MEMO1: variants seen among roughly 807,000 people sequenced by gnomAD.
MEMO1 encodes protein MEMO1.
In MEMO1, 6 loss-of-function variants were observed where a neutral mutation model predicts 45.2. The observed-to-expected ratio is 0.13, with a 90% confidence interval of 0.07 to 0.26. The LOEUF (loss-of-function observed/expected upper bound fraction) is 0.26. Ranked by LOEUF, MEMO1 falls within the 10% of genes least tolerant of loss-of-function variation. MEMO1 has a pLI of 1.00. For synonymous variants in MEMO1, 78 were observed against 124.3 expected (o/e 0.63, Z 2.48); for missense variants, 184 against 370.5 (o/e 0.50, Z 4.13).
intron 2 of MEMO1, among the ~76,000 whole-genome samples, chr2:31,988,465 T>C (rs970358890): frequency 4.6e-5 from 7 of 152,132 alleles, no homozygotes; most frequent in African/African-American, 1.4e-4. Flanking sequence ...GAGAATCCCT[T>C]GAACCCAGGA....
At chr2:31,993,105 T>G (rs1353757974) in intron 2 of MEMO1, among the ~76,000 whole-genome samples, 1 of 151,916 alleles carries the variant, frequency 6.6e-6, no homozygotes, top group Non-Finnish European at 1.5e-5. Context: ...CCAAGGAATT[T>G]GAGACTGCAG....
chr2:31,978,289 T>C (rs754575167), intron 2 of MEMO1, among the ~76,000 whole-genome samples: 75 of 151,960 alleles, frequency 4.9e-4, no homozygotes, highest in Admixed American at 2.0e-3. Flanking sequence ...CAGAAGGCTA[T>C]GGCAGGAGAA....
intron 2 of MEMO1, among the ~76,000 whole-genome samples, chr2:31,962,837 T>C (rs1193202177): frequency 1.3e-5 from 2 of 152,180 alleles, no homozygotes; most frequent in Non-Finnish European, 2.9e-5. Context: ...TGGTCAAGCA[T>C]TTTTCTGGAT....
intron 3 of MEMO1, among the ~76,000 whole-genome samples, chr2:31,936,149 A>G (rs966184694): frequency 6.6e-6 from 1 of 151,974 alleles, no homozygotes; most frequent in African/African-American, 2.4e-5. Flanking sequence ...TTTTTAGTAG[A>G]GACGGGGTTT....
intron 6 of MEMO1, among the ~76,000 whole-genome samples, chr2:31,911,116 C>G (rs1461736702): frequency 1.3e-5 from 2 of 151,828 alleles, no homozygotes; most frequent in Non-Finnish European, 2.9e-5. Flanking sequence ...AATATAGCAA[C>G]AATCCTTCAG....
chr2:31,938,197 T>C (rs1193044138), intron 3 of MEMO1, among the ~76,000 whole-genome samples: 1 of 152,202 alleles, frequency 6.6e-6, no homozygotes, highest in Admixed American at 6.5e-5. Flanking sequence ...TGGTATTTAT[T>C]CTATTTAATC....
chr2:32,004,945 A>G (rs1199507060), intron 2 of MEMO1, among the ~76,000 whole-genome samples: 1 of 151,304 alleles, frequency 6.6e-6, no homozygotes, highest in Non-Finnish European at 1.5e-5. Context: ...AAAAAAACTT[A>G]CCATTTGCAT....
At chr2:31,899,229 C>T (rs1195560601) in intron 6 of MEMO1, among the ~76,000 whole-genome samples, 3 of 152,138 alleles carry the variant, frequency 2.0e-5, no homozygotes, top group Non-Finnish European at 2.9e-5. Flanking sequence ...ATAGCCAAGA[C>T]AATCCTAAGT....
chr2:31,918,379 G>A (rs553092490), intron 5 of MEMO1, among the ~76,000 whole-genome samples: 7 of 151,916 alleles, frequency 4.6e-5, no homozygotes, highest in African/African-American at 1.2e-4. Flanking sequence ...AATCACCTTC[G>A]GGTCTAGGCT....
intron 2 of MEMO1, among the ~76,000 whole-genome samples, chr2:31,974,261 A>G (rs1669743178): frequency 6.6e-6 from 1 of 152,214 alleles, no homozygotes; most frequent in African/African-American, 2.4e-5. Context: ...TGCAGTTAAT[A>G]ATTTAAATGT....
chr2:32,005,126 A>G (rs1038023341), intron 2 of MEMO1, among the ~76,000 whole-genome samples: 2 of 152,098 alleles, frequency 1.3e-5, no homozygotes, highest in Non-Finnish European at 2.9e-5. Context: ...AGTACAATAC[A>G]ACATGTATTA....
At chr2:31,883,641 A>G (rs1446457357) in intron 7 of MEMO1, among the ~76,000 whole-genome samples, 179 bp from the exon 8 acceptor site, 12 of 152,158 alleles carry the variant, frequency 7.9e-5, no homozygotes, top group Admixed American at 7.2e-4. Context: ...GGAAGGTAAT[A>G]AAGAAATGAT....
chr2:31,984,157 A>C (rs1170235361), intron 2 of MEMO1, among the ~76,000 whole-genome samples: 3 of 152,230 alleles, frequency 2.0e-5, no homozygotes, highest in Admixed American at 2.0e-4. Flanking sequence ...AATACGGCAA[A>C]AGGAAGATAG....
At chr2:31,909,889 G>C (rs527531507) in intron 6 of MEMO1, among the ~76,000 whole-genome samples, 25 of 152,082 alleles carry the variant, frequency 1.6e-4, no homozygotes, top group Middle Eastern at 6.8e-3. Context: ...GAAGCTCAGA[G>C]AACTCCAAGA....
chr2:31,908,769 A>G (rs927605515), intron 6 of MEMO1, among the ~76,000 whole-genome samples: 2 of 152,212 alleles, frequency 1.3e-5, no homozygotes, highest in Non-Finnish European at 2.9e-5. Context: ...CCTAACTGCA[A>G]GAGAAACTAT....
intron 2 of MEMO1, among the ~76,000 whole-genome samples, chr2:31,946,610 C>T (rs1666227482): frequency 6.6e-6 from 1 of 152,070 alleles, no homozygotes; most frequent in South Asian, 2.1e-4. Flanking sequence ...GCCTGTAATC[C>T]CAGCACTTTG....
At chr2:31,901,543 G>A (rs1288308973) in intron 6 of MEMO1, among the ~76,000 whole-genome samples, 6 of 152,054 alleles carry the variant, frequency 3.9e-5, no homozygotes, top group Non-Finnish European at 2.9e-5. Flanking sequence ...CAAATCAGTG[G>A]TTGTCTGAGA....
chr2:31,933,383 A>ATATATATATATATATATATATG (rs1185585265), intron 3 of MEMO1, among the ~76,000 whole-genome samples: 13 of 112,650 alleles, frequency 1.2e-4, no homozygotes, highest in African/African-American at 3.8e-4. Flanking sequence ...ATATATATAT[A>ATATATATATATATATATATATG]GAAAGGGGAA....
intron 8 of MEMO1, among the ~76,000 whole-genome samples, chr2:31,878,543 A>G (rs1318671603): frequency 2.0e-5 from 3 of 152,152 alleles, no homozygotes. Flanking sequence ...GTGGGAAGAA[A>G]ATCAGGAATT....
Sources: gnomAD v4.1 joint callset for allele counts (sites outside exome capture counted in the v4.1 genomes callset) on GRCh38, gnomAD v4.1.1 for gene constraint, MANE v1.5 for transcripts, NCBI Gene and HGNC (gene_info 2026-07-23, HGNC 2026-07-21) for gene names.